The following LARP4 variants were observed in gnomAD, a reference collection of about 807,000 sequenced individuals.
LARP4 encodes la-related protein 4.
In LARP4, 29 loss-of-function variants were observed where a neutral mutation model predicts 92.9. That is an observed-to-expected ratio of 0.31 (90% CI 0.23 to 0.43). The LOEUF is 0.43. Among genes scored for constraint, LARP4 ranks in the 20% least tolerant of loss-of-function variants. The probability of loss-of-function intolerance (pLI) is 1.00; values close to 1 mark genes in which losing one functional copy is unlikely to be tolerated. For missense variants in LARP4, 732 were observed against 860.0 expected, an observed-to-expected ratio of 0.85 and a Z score of 1.86; for synonymous variants, 279 against 284.1, an observed-to-expected ratio of 0.98 and a Z score of 0.18.
At chr12:50,428,904 C>T in intron 2 of LARP4, 31 bp from the exon 3 acceptor site, 5 of 1,506,378 alleles carry the variant, frequency 3.3e-6, no homozygotes, top group Non-Finnish European at 3.6e-6. Context: ...AAATAATTCC[C>T]ATTTACTTTC....
chr12:50,435,700 G>T lies in LARP4; in HGVS notation c.535+76G>T, dbSNP rs1213871049. On this transcript the variant is annotated intron_variant, in intron 5 of 15. Coordinates refer to ENST00000398473, the MANE Select transcript of LARP4 (RefSeq NM_052879.5). The stretch of plus-strand genomic sequence containing the variant: ...TTATTTCGACTTCTGATCATATAGG[G>T]AATTATTTTTACTGCCCCCTCCCCA... 4.5e-6 allele frequency: 5 copies of T among 1,112,054 alleles called. No homozygotes were observed. The East Asian group carries it at 1.3e-4, about 29-fold the overall frequency. 68.9% of individuals were successfully genotyped at this position (1,112,054 alleles called of 1,614,324 possible). A position where few individuals can be genotyped will look rare whatever the true frequency, so the allele number is the denominator to read the frequency against.
At position 50,400,887 on chromosome 12, in the gene LARP4, C is replaced by G. The variant is rs1943679218; in HGVS notation, c.-124C>G. ...GCAGCGGCTGACGGCAGGGGAGGAG[C>G]CGGGTCCACTGCCGGGTGGAGGGGC... On this transcript the variant is annotated 5_prime_UTR_variant, in exon 1 of 16. Coordinates refer to ENST00000398473, the MANE Select transcript of LARP4 (RefSeq NM_052879.5). 1 of 1,323,792 alleles carries G rather than the reference C, an allele frequency of 7.6e-7. No individual in the cohort carries two copies. The highest frequency in any genetic ancestry group is 1.4e-5 in the African/African-American group (1 of 69,518). 82.0% of individuals were successfully genotyped at this position (1,323,792 alleles called of 1,614,324 possible). A position where few individuals can be genotyped will look rare whatever the true frequency, so the allele number is the denominator to read the frequency against.
chr12:50,417,684 A>G (rs962883859), intron 1 of LARP4, among the ~76,000 whole-genome samples: 8 of 152,190 alleles, frequency 5.3e-5, no homozygotes, highest in South Asian at 2.1e-4. Context: ...TTCTGCTTTA[A>G]TTACTTATTA....
intron 13 of LARP4, among the ~76,000 whole-genome samples, chr12:50,471,183 G>GCCATACCAAAA (rs1481105452): frequency 6.6e-6 from 1 of 152,150 alleles, no homozygotes; most frequent in Non-Finnish European, 1.5e-5. Flanking sequence ...TAGCTTGTAA[G>GCCATACCAAAA]CCATACCAAA....
At position 50,452,435 on chromosome 12, in the gene LARP4, A is replaced by G. The variant is rs148083129; in HGVS notation, c.805-1025A>G. On this transcript the variant is annotated intron_variant, in intron 8 of 15. Coordinates refer to ENST00000398473, the MANE Select transcript of LARP4 (RefSeq NM_052879.5). ...GACCTCAAGTGCTTTGCCCGCCTCA[A>G]CCTCTCAAAGTGCTGGGATTACAGG... is the stretch of plus-strand genomic sequence containing the variant. Among the ~76,000 whole-genome samples, 558 of 151,988 alleles carry G rather than the reference A, an allele frequency of 3.7e-3. 5 individuals are homozygous for G. Among genetic ancestry groups the G allele is most frequent in the Non-Finnish European group, 5.0e-3 (338 of 67,960 alleles).
At chr12:50,461,436 G>T in intron 11 of LARP4, 89 bp downstream of exon 11, 27 of 1,180,060 alleles carry the variant, frequency 2.3e-5, no homozygotes, top group Non-Finnish European at 3.3e-5. Flanking sequence ...AATTAAATGA[G>T]CATTTAATTA....
At chr12:50,410,670 C>T (rs960252379) in intron 1 of LARP4, among the ~76,000 whole-genome samples, 5 of 152,118 alleles carry the variant, frequency 3.3e-5, no homozygotes, top group Non-Finnish European at 5.9e-5. Context: ...TCCCAAAGTG[C>T]TGGGATTACA....
intron 12 of LARP4, 132 bp downstream of exon 12, chr12:50,462,762 A>G: frequency 1.6e-6 from 1 of 617,274 alleles, no homozygotes; most frequent in Non-Finnish European, 2.8e-6. Flanking sequence ...TAGAGCCTAA[A>G]TTTAACCCTG....
At chr12:50,427,993 C>A in intron 2 of LARP4, 84 bp downstream of exon 2, 12 of 305,818 alleles carry the variant, frequency 3.9e-5, no homozygotes, top group Non-Finnish European at 6.3e-5. Flanking sequence ...AGACACATCT[C>A]TTTTTTTTTT....
intron 6 of LARP4, among the ~76,000 whole-genome samples, chr12:50,438,257 G>C (rs938817202): frequency 6.6e-6 from 1 of 152,084 alleles, no homozygotes; most frequent in South Asian, 2.1e-4. Context: ...CCAGCACTTT[G>C]GGAGGCTGAG....
intron 1 of LARP4, among the ~76,000 whole-genome samples, chr12:50,417,859 C>A (rs948962038): frequency 2.0e-5 from 3 of 151,694 alleles, no homozygotes; most frequent in African/African-American, 7.3e-5. Context: ...ATGCCTGGCT[C>A]ATTTTTTTTT....
intron 1 of LARP4, among the ~76,000 whole-genome samples, chr12:50,407,772 G>A (rs911683006): frequency 3.3e-5 from 5 of 152,086 alleles, no homozygotes; most frequent in Admixed American, 3.3e-4. Context: ...GCAGTGAGCC[G>A]AGATCATGTC....
chr12:50,409,806 T>C (rs575094584), intron 1 of LARP4, among the ~76,000 whole-genome samples: 43 of 150,020 alleles, frequency 2.9e-4, no homozygotes, highest in African/African-American at 1.0e-3. Flanking sequence ...ATTATTATTA[T>C]TATTTTTTTA....
intron 1 of LARP4, among the ~76,000 whole-genome samples, chr12:50,404,193 C>T (rs1187135094): frequency 6.6e-6 from 1 of 152,094 alleles, no homozygotes; most frequent in African/African-American, 2.4e-5. Flanking sequence ...CACCACTACA[C>T]TCCAGCCTGG....
chr12:50,446,070 T>TG (rs1951983976), intron 8 of LARP4, among the ~76,000 whole-genome samples: 1 of 144,770 alleles, frequency 6.9e-6, no homozygotes, highest in Non-Finnish European at 1.5e-5. Flanking sequence ...TGGCACAAAC[T>TG]CGGCTCACTG....
At chr12:50,430,692 C>CAAGAAA in intron 4 of LARP4, 122 bp downstream of exon 4, 1 of 567,086 alleles carries the variant, frequency 1.8e-6, no homozygotes, top group Non-Finnish European at 3.0e-6. Flanking sequence ...GACAGAGTCT[C>CAAGAAA]ATGTTGTCGC....
chr12:50,442,199 A>G (rs1007281399), intron 8 of LARP4, among the ~76,000 whole-genome samples: 15 of 152,272 alleles, frequency 9.9e-5, no homozygotes, highest in Non-Finnish European at 7.3e-5. Flanking sequence ...GATTTACAAC[A>G]TATGAGATAA....
chr12:50,445,295 T>G (rs925407602), intron 8 of LARP4, among the ~76,000 whole-genome samples: 2 of 152,202 alleles, frequency 1.3e-5, no homozygotes, highest in African/African-American at 4.8e-5. Context: ...GGACTCTTGT[T>G]TCTGATGAGA....
At position 50,443,181 on chromosome 12, in the gene LARP4, T is replaced by C. The variant is rs528305535; in HGVS notation, c.804+1538T>C. ...TAATTTTTTGTCATTTCTATTCTTC[T>C]GCAACTTCTGCAGCTATGAGATTTG... On this transcript the variant is annotated intron_variant, in intron 8 of 15. Transcript: ENST00000398473. Among the ~76,000 whole-genome samples, 4 of 152,370 alleles carry C rather than the reference T, an allele frequency of 2.6e-5. No homozygotes were observed. In the South Asian group the frequency reaches 8.3e-4, roughly 32 times the overall value.
Sources: gnomAD v4.1 joint callset for allele counts (sites outside exome capture counted in the v4.1 genomes callset) on GRCh38, gnomAD v4.1.1 for gene constraint, MANE v1.5 for transcripts, NCBI Gene and HGNC (gene_info 2026-07-23, HGNC 2026-07-21) for gene names.